The following AGBL1 variants were observed in gnomAD, a reference collection of about 807,000 sequenced individuals.
AGBL1 encodes the protein cytosolic carboxypeptidase 4.
In AGBL1, 130 loss-of-function variants were observed where a neutral mutation model predicts 118.9. The observed-to-expected ratio is 1.09, with a 90% CI of 0.95 to 1.26. The LOEUF (loss-of-function observed/expected upper bound fraction) is 1.26. Ranked by LOEUF, AGBL1 falls within the 50% of genes most tolerant of loss-of-function variation. The pLI, the probability that AGBL1 is intolerant of heterozygous loss-of-function variation, is 0.00. For synonymous variants in AGBL1, 555 were observed against 478.9 expected (o/e 1.16, Z -2.08); for missense variants, 1,584 against 1,298.1 (o/e 1.22, Z -3.38).
Position 86,735,180 on chromosome 15 carries a change from T to C in AGBL1, c.3158+60744T>C, listed in dbSNP as rs28445465. ...CACTACAACCTCCGCCTCCTGGGTT[T>C]CAGAGATTCTCCTGCCTCAACTTCC... On this transcript the variant is annotated intron_variant, in intron 22 of 22. Transcript: ENST00000614907. Among the ~76,000 whole-genome samples the C allele has an allele frequency of 6.1e-3, 933 of 152,064 alleles. 11 individuals are homozygous for C. Among genetic ancestry groups the C allele is most frequent in the African/African-American group, 0.021 (884 of 41,500 alleles).
intron 24 of AGBL1, among the ~76,000 whole-genome samples, chr15:87,012,889 C>T (rs1024099811): frequency 6.6e-6 from 1 of 152,194 alleles, no homozygotes; most frequent in African/African-American, 2.4e-5. Flanking sequence ...CTTTCCAGCT[C>T]TGCACTTTGA....
chr15:86,777,517 A>G (rs942388712), intron 22 of AGBL1, among the ~76,000 whole-genome samples: 1 of 152,072 alleles, frequency 6.6e-6, no homozygotes, highest in African/African-American at 2.4e-5. Flanking sequence ...AGTTCATGAA[A>G]GATCTTTTTG....
chr15:86,345,007 AT>A (rs1425737037), intron 17 of AGBL1, among the ~76,000 whole-genome samples: 1 of 152,154 alleles, frequency 6.6e-6, no homozygotes, highest in African/African-American at 2.4e-5. Context: ...CAATCTATTC[AT>A]TTGTTTAAAG....
intron 17 of AGBL1, among the ~76,000 whole-genome samples, chr15:86,311,292 A>C (rs963089335): frequency 1.3e-5 from 2 of 152,216 alleles, no homozygotes; most frequent in African/African-American, 4.8e-5. Flanking sequence ...TCTGCAAAAA[A>C]TGGAAGTTCT....
chr15:87,015,547 C>T (rs566518560), intron 24 of AGBL1, among the ~76,000 whole-genome samples: 1 of 152,168 alleles, frequency 6.6e-6, no homozygotes, highest in African/African-American at 2.4e-5. Flanking sequence ...TCAGTAAACA[C>T]TGAGTGCCTT....
chr15:86,439,689 G>T (rs529583870), intron 18 of AGBL1, among the ~76,000 whole-genome samples: 9 of 152,270 alleles, frequency 5.9e-5, no homozygotes, highest in Non-Finnish European at 1.2e-4. Context: ...CCATGACCAG[G>T]CAGCAACAAC....
intron 15 of AGBL1, among the ~76,000 whole-genome samples, chr15:86,273,168 C>G (rs976778052): frequency 3.9e-5 from 6 of 152,094 alleles, no homozygotes; most frequent in African/African-American, 1.4e-4. Flanking sequence ...GGATGCTCCT[C>G]TTGGAATTGG....
At chr15:86,724,399 C>G (rs79863333) in intron 22 of AGBL1, among the ~76,000 whole-genome samples, 4,874 of 152,070 alleles carry the variant, frequency 0.032, 218 homozygotes, top group African/African-American at 0.1. Flanking sequence ...TTATGACAAG[C>G]ATTAGATTGA....
intron 6 of AGBL1, among the ~76,000 whole-genome samples, chr15:86,234,274 C>T (rs1030907797): frequency 7.9e-5 from 12 of 151,942 alleles, no homozygotes; most frequent in African/African-American, 1.5e-4. Flanking sequence ...GTCACAAGGC[C>T]GAGAGCGGTG....
intron 21 of AGBL1, among the ~76,000 whole-genome samples, chr15:86,634,404 C>T (rs149229587): frequency 8.5e-5 from 13 of 152,224 alleles, no homozygotes; most frequent in African/African-American, 3.1e-4. Flanking sequence ...GTACATGCCA[C>T]GACATGGATG....
intron 22 of AGBL1, among the ~76,000 whole-genome samples, chr15:86,883,381 C>G (rs1440253083): frequency 1.3e-5 from 2 of 152,204 alleles, no homozygotes; most frequent in Non-Finnish European, 2.9e-5. Context: ...CTTCCAACAC[C>G]AGCATTCGCT....
At chr15:86,979,503 G>T (rs557312248) in intron 23 of AGBL1, among the ~76,000 whole-genome samples, 50 of 151,662 alleles carry the variant, frequency 3.3e-4, no homozygotes, top group Admixed American at 2.3e-3. Flanking sequence ...TTTTTGGCGG[G>T]GGGGAGATGG....
At chr15:86,595,901 C>T (rs997246454) in intron 21 of AGBL1, among the ~76,000 whole-genome samples, 1 of 151,806 alleles carries the variant, frequency 6.6e-6, no homozygotes, top group African/African-American at 2.4e-5. Flanking sequence ...TGCACTGAGT[C>T]GGTCTCTGGG....
chr15:86,418,533 T>C (rs1486198525), intron 18 of AGBL1, among the ~76,000 whole-genome samples: 2 of 152,196 alleles, frequency 1.3e-5, no homozygotes, highest in African/African-American at 4.8e-5. Context: ...GTTAATATGC[T>C]CCAGAATTTT....
Position 86,769,623 on chromosome 15 carries a change from T to A in AGBL1, c.3158+95187T>A, listed in dbSNP as rs77626870. 2.2e-3 allele frequency among the ~76,000 whole-genome samples: 336 copies of A among 152,084 alleles called. 3 individuals carry two copies. The highest frequency in any genetic ancestry group is 7.5e-3 in the African/African-American group (311 of 41,538). ...CCTGCAGGAGAGCTTAGACCCAAGGTATCTGAGTCCAAGGACACTTGTTCA... is the reference window on the plus strand; with the variant it reads ...CCTGCAGGAGAGCTTAGACCCAAGGAATCTGAGTCCAAGGACACTTGTTCA... On this transcript the variant is annotated intron_variant, in intron 22 of 22. Coordinates refer to ENST00000614907, the MANE Select transcript of AGBL1 (RefSeq NM_001386094.1).
At chr15:86,106,677 G>T (rs139372596) in intron 1 of AGBL1, among the ~76,000 whole-genome samples, 1 of 152,202 alleles carries the variant, frequency 6.6e-6, no homozygotes, top group Non-Finnish European at 1.5e-5. Context: ...AACCCCACTC[G>T]ATTCAATCAG....
intron 1 of AGBL1, among the ~76,000 whole-genome samples, chr15:86,084,045 T>C (rs1895469262): frequency 6.6e-6 from 1 of 152,182 alleles, no homozygotes; most frequent in African/African-American, 2.4e-5. Flanking sequence ...AACTCAAACA[T>C]AGAAACAAAC....
intron 21 of AGBL1, among the ~76,000 whole-genome samples, chr15:86,574,498 C>T (rs1218139367): frequency 6.6e-6 from 1 of 151,684 alleles, no homozygotes; most frequent in Non-Finnish European, 1.5e-5. Flanking sequence ...ACTGGGGATC[C>T]AGGAGCTGAC....
intron 21 of AGBL1, among the ~76,000 whole-genome samples, chr15:86,570,293 T>C (rs1490916145): frequency 6.6e-6 from 1 of 152,224 alleles, no homozygotes; most frequent in East Asian, 1.9e-4. Context: ...TCCAGGCTCT[T>C]GACACCATCG....
Sources: allele counts gnomAD v4.1 joint callset (sites outside exome capture counted in the v4.1 genomes callset), GRCh38; gene constraint gnomAD v4.1.1; transcripts MANE v1.5; gene names NCBI Gene and HGNC (gene_info 2026-07-23, HGNC 2026-07-21).